CEACAM8: variants seen among roughly 807,000 people sequenced by gnomAD.
CEACAM8 encodes the protein cell adhesion molecule CEACAM8.
In CEACAM8, 31 loss-of-function variants were observed where a neutral mutation model predicts 33.4. The observed-to-expected ratio is 0.93, with a 90% CI of 0.70 to 1.25. CEACAM8 has a LOEUF of 1.25. Among genes scored for constraint, CEACAM8 ranks in the 50% most tolerant of loss-of-function variants. CEACAM8 has a pLI of 0.00. For missense variants in CEACAM8, 388 were observed against 434.6 expected (o/e 0.89, Z 0.95); for synonymous variants, 138 against 164.5 (o/e 0.84, Z 1.23).
chr19:42,583,127 A>G (rs941150386), intron 5 of CEACAM8, 79 bp downstream of exon 5: 3 of 694,332 alleles, frequency 4.3e-6, no homozygotes, highest in Non-Finnish European at 7.7e-6. Flanking sequence ...GAGGAGATCC[A>G]TTCCCGGGAT....
chr19:42,585,922 C>T (rs2042329672), intron 4 of CEACAM8, among the ~76,000 whole-genome samples: 3 of 152,076 alleles, frequency 2.0e-5, no homozygotes, highest in Admixed American at 1.3e-4. Flanking sequence ...ATGCAAACAT[C>T]AGTTGCATTT....
At chr19:42,581,737 A>C (rs1441221735) in intron 5 of CEACAM8, among the ~76,000 whole-genome samples, 1 of 150,880 alleles carries the variant, frequency 6.6e-6, no homozygotes, top group Non-Finnish European at 1.5e-5. Flanking sequence ...TAAAAATAGA[A>C]AAATTAGCTG....
At position 42,583,205 on chromosome 19, in the gene CEACAM8, C is replaced by T; in HGVS notation, c.*40+1G>A. On this transcript the variant is annotated splice_donor_variant, in intron 5 of 5. Coordinates refer to ENST00000244336, the MANE Select transcript of CEACAM8 (RefSeq NM_001816.4). LOFTEE classifies it low-confidence loss of function (3UTR_SPLICE). ...CAGGACAAGAGGAAAGGCCATCATACCTGCCAGTCTTCTTGAAATGCAGAA... is the reference window on the plus strand; with the variant it reads ...CAGGACAAGAGGAAAGGCCATCATATCTGCCAGTCTTCTTGAAATGCAGAA... 1 of 1,300,636 alleles carries T rather than the reference C, an allele frequency of 7.7e-7. No individual in the cohort carries two copies. The highest frequency in any genetic ancestry group is 1.2e-5 in the South Asian group (1 of 83,062). The allele number at this position is 1,300,636 out of a possible 1,614,324, so 80.6% of individuals were successfully genotyped here. A position where few individuals can be genotyped will look rare whatever the true frequency, so the allele number is the denominator to read the frequency against.
At position 42,593,907 on chromosome 19, in the gene CEACAM8, G is replaced by C. The variant is rs770327925; in HGVS notation, c.65-7C>G. On this transcript the variant is annotated splice_region_variant and splice_polypyrimidine_tract_variant and intron_variant, in intron 1 of 5. Transcript: ENST00000244336. Reference sequence around the variant, plus strand: ...CAGAAGGTGAAAAGTGAGGCTAGGAGGGGGAGAGAGCATCAAGCAATATTG... The same window carrying C: ...CAGAAGGTGAAAAGTGAGGCTAGGACGGGGAGAGAGCATCAAGCAATATTG... The C allele has an allele frequency of 1.3e-6, 2 of 1,568,346 alleles. No homozygotes were observed. Among genetic ancestry groups the C allele is most frequent in the African/African-American group, 2.7e-5 (2 of 73,482 alleles).
At chr19:42,588,020 G>T (rs1462812561) in intron 4 of CEACAM8, among the ~76,000 whole-genome samples, 2 of 152,192 alleles carry the variant, frequency 1.3e-5, no homozygotes, top group Non-Finnish European at 2.9e-5. Context: ...CCCTGTGGCT[G>T]AATCTCCCTG....
At chr19:42,583,824 ACT>A (rs2147855300) in intron 4 of CEACAM8, among the ~76,000 whole-genome samples, 1 of 151,986 alleles carries the variant, frequency 6.6e-6, no homozygotes, top group East Asian at 1.9e-4. Context: ...GTTTTGTGAG[ACT>A]CTGTTTAACT....
intron 1 of CEACAM8, among the ~76,000 whole-genome samples, chr19:42,594,428 A>G (rs2042508043): frequency 6.6e-6 from 1 of 152,170 alleles, no homozygotes; most frequent in African/African-American, 2.4e-5. Flanking sequence ...CTTATTTGCC[A>G]ATGTCTGACA....
At chr19:42,585,128 C>T (rs1344221043) in intron 4 of CEACAM8, among the ~76,000 whole-genome samples, 1 of 151,948 alleles carries the variant, frequency 6.6e-6, no homozygotes, top group African/African-American at 2.4e-5. Context: ...GACCCTGTCT[C>T]TACAAAATTA....
Position 42,589,019 on chromosome 19 carries a change from G to GGT in CEACAM8, c.721_722dup (p.Ile242ProfsTer13). ...GGTAATAGGTGTCTGAAGGGGAAAT[G>GGT]GTGGGGGCATCTGGGCCATCTAGAG... On this transcript the variant is annotated frameshift_variant, in exon 4 of 6. Transcript: ENST00000244336. LOFTEE classifies it high-confidence loss of function. 4 of 1,613,674 alleles carry GGT rather than the reference G, an allele frequency of 2.5e-6. No individual in the cohort carries two copies. Among genetic ancestry groups the GGT allele is most frequent in the Middle Eastern group, 3.3e-4 (2 of 6,062 alleles).
At chr19:42,583,630 G>A (rs2042289010) in intron 4 of CEACAM8, among the ~76,000 whole-genome samples, 1 of 152,162 alleles carries the variant, frequency 6.6e-6, no homozygotes, top group South Asian at 2.1e-4. Context: ...TATTTTATGT[G>A]TCATTAGAAC....
intron 2 of CEACAM8, among the ~76,000 whole-genome samples, chr19:42,591,525 G>A (rs996800532): frequency 6.6e-6 from 1 of 152,234 alleles, no homozygotes; most frequent in East Asian, 1.9e-4. Flanking sequence ...TTCCTATGCA[G>A]AGTTAGGCAA....
chr19:42,589,301 C>T (rs1342063452), intron 3 of CEACAM8, among the ~76,000 whole-genome samples, 156 bp downstream of exon 3: 2 of 152,158 alleles, frequency 1.3e-5, no homozygotes, highest in Non-Finnish European at 2.9e-5. Flanking sequence ...TAGGCCTACC[C>T]ATGTTTGCCT....
chr19:42,586,462 G>A (rs1189940307), intron 4 of CEACAM8, among the ~76,000 whole-genome samples: 3 of 152,214 alleles, frequency 2.0e-5, no homozygotes, highest in Non-Finnish European at 4.4e-5. Context: ...TATTTGATAA[G>A]GATGCCAATA....
chr19:42,591,015 G>A lies in CEACAM8; in HGVS notation c.425-1280C>T, dbSNP rs74787900. 1.3e-4 allele frequency among the ~76,000 whole-genome samples: 20 copies of A among 152,300 alleles called. No homozygotes were observed. In the East Asian group the frequency reaches 3.7e-3, roughly 28 times the overall value. On this transcript the variant is annotated intron_variant, in intron 2 of 5. Coordinates refer to ENST00000244336, the MANE Select transcript of CEACAM8 (RefSeq NM_001816.4). Reference sequence around the variant, plus strand: ...AAAATCCCAAATCCAAAATGCTCCAGTGAGCATTTCTTTTGAGAATCACGT... The same window carrying A: ...AAAATCCCAAATCCAAAATGCTCCAATGAGCATTTCTTTTGAGAATCACGT...
At chr19:42,586,657 TC>T (rs1276369840) in intron 4 of CEACAM8, among the ~76,000 whole-genome samples, 2 of 152,022 alleles carry the variant, frequency 1.3e-5, no homozygotes, top group African/African-American at 4.8e-5. Flanking sequence ...GGAAAAAAAC[TC>T]CATGACATTG....
chr19:42,594,586 C>T (rs1340635756), intron 1 of CEACAM8, among the ~76,000 whole-genome samples, 179 bp downstream of exon 1: 2 of 152,126 alleles, frequency 1.3e-5, no homozygotes, highest in African/African-American at 4.8e-5. Flanking sequence ...TGCCTCTTAC[C>T]AATTCCAGTT....
At chr19:42,590,214 G>T (rs892598985) in intron 2 of CEACAM8, among the ~76,000 whole-genome samples, 2 of 152,322 alleles carry the variant, frequency 1.3e-5, no homozygotes, top group Non-Finnish European at 2.9e-5. Flanking sequence ...TCCTGACTGG[G>T]TGTTTCAACA....
intron 4 of CEACAM8, among the ~76,000 whole-genome samples, chr19:42,586,441 T>G (rs541325821): frequency 2.0e-5 from 3 of 152,210 alleles, no homozygotes; most frequent in African/African-American, 7.2e-5. Flanking sequence ...CTTGCATATA[T>G]GGCCAAATGA....
chr19:42,594,161 G>T (rs547220431), intron 1 of CEACAM8, among the ~76,000 whole-genome samples: 1 of 152,174 alleles, frequency 6.6e-6, no homozygotes, highest in African/African-American at 2.4e-5. Flanking sequence ...ATCCTTGGGA[G>T]ACCCTTTCTC....
Sources: allele counts gnomAD v4.1 joint callset (sites outside exome capture counted in the v4.1 genomes callset), GRCh38; gene constraint gnomAD v4.1.1; transcripts MANE v1.5; gene names NCBI Gene and HGNC (gene_info 2026-07-23, HGNC 2026-07-21).